The following GPHN variants were observed in gnomAD, a reference collection of about 807,000 sequenced individuals.
The protein encoded by GPHN is gephyrin.
Under a neutral mutation model 95.5 loss-of-function variants are expected in GPHN, and 17 were observed. The observed-to-expected ratio is 0.18, with a 90% CI of 0.12 to 0.27. The LOEUF is 0.27. GPHN is among the 10% of genes least tolerant of loss of function. GPHN has a pLI of 1.00. For synonymous variants in GPHN, 320 were observed against 322.5 expected (o/e 0.99, Z 0.08); for missense variants, 660 against 978.1 (o/e 0.67, Z 4.34).
intron 1 of GPHN, among the ~76,000 whole-genome samples, chr14:66,525,838 G>T (rs572719066): frequency 1.3e-5 from 2 of 151,998 alleles, no homozygotes; most frequent in Non-Finnish European, 2.9e-5. Context: ...CTGTTCCATC[G>T]GTTTATATAT....
chr14:67,705,508 C>A, the GPHN span, among the ~76,000 whole-genome samples: 1 of 152,190 alleles, frequency 6.6e-6, no homozygotes, highest in South Asian at 2.1e-4. Flanking sequence ...GACTGCCAAA[C>A]GTGACCTGTA....
In GPHN at chr14:66,983,746, A is replaced by C. The variant is rs897801501; in HGVS notation, c.963+18421A>C. On this transcript the variant is annotated intron_variant, in intron 9 of 22. Coordinates refer to ENST00000478722, the MANE Select transcript of GPHN (RefSeq NM_020806.5). The stretch of plus-strand genomic sequence containing the variant: ...TTTTTCTTCTTATAATTCATTGTTT[A>C]AGTTTCTATACTTGCATTTGGAACT... Among the ~76,000 whole-genome samples the C allele has an allele frequency of 2.0e-5, 3 of 152,156 alleles. No individual in the cohort carries two copies. The South Asian group carries it at 6.2e-4, about 32-fold the overall frequency.
chr14:66,624,045 C>A (rs976132615), intron 1 of GPHN, among the ~76,000 whole-genome samples: 15 of 152,294 alleles, frequency 9.8e-5, no homozygotes, highest in African/African-American at 3.4e-4. Flanking sequence ...ATGTCCTTAT[C>A]GTCCTTTTCC....
chr14:67,003,875 GA>G (rs1386069656), intron 9 of GPHN, among the ~76,000 whole-genome samples: 1 of 151,616 alleles, frequency 6.6e-6, no homozygotes, highest in East Asian at 1.9e-4. Flanking sequence ...TGAGTCAGCA[GA>G]GCAAAGTTAA....
chr14:67,589,281 T>C, the GPHN span: 3 of 905,530 alleles, frequency 3.3e-6, no homozygotes, highest in East Asian at 2.3e-4. Flanking sequence ...ATTAATCTTA[T>C]ACAGAAGAAA....
chr14:67,301,490 A>G, the GPHN span: 3 of 1,538,182 alleles, frequency 2.0e-6, no homozygotes, highest in Non-Finnish European at 2.7e-6. Context: ...AGAATACTAT[A>G]TATGTGGTTT....
the GPHN span, chr14:67,570,110 C>T: frequency 1.2e-6 from 1 of 868,572 alleles, no homozygotes; most frequent in East Asian, 2.7e-5. Context: ...CAGGCTTCTG[C>T]ACATGGTGAC....
the GPHN span, chr14:67,390,596 T>C: frequency 1.8e-6 from 2 of 1,121,358 alleles, no homozygotes; most frequent in African/African-American, 1.5e-5. Flanking sequence ...CTGCCCGCCA[T>C]GCCAGGAGAG....
intron 19 of GPHN, among the ~76,000 whole-genome samples, chr14:67,161,947 A>G (rs1459362412): frequency 6.6e-6 from 1 of 152,144 alleles, no homozygotes; most frequent in Non-Finnish European, 1.5e-5. Flanking sequence ...ATCAATTCCT[A>G]ACATTTTATT....
chr14:67,317,127 AAT>A, the GPHN span, among the ~76,000 whole-genome samples: 5 of 152,244 alleles, frequency 3.3e-5, no homozygotes, highest in South Asian at 2.1e-4. Context: ...TTTCCTGAAA[AAT>A]AGTCTTTATA....
chr14:67,429,474 C>A, the GPHN span, among the ~76,000 whole-genome samples: 2 of 150,320 alleles, frequency 1.3e-5, no homozygotes, highest in African/African-American at 4.9e-5. Context: ...CATGATTCGC[C>A]CACCTCGGCC....
intron 1 of GPHN, among the ~76,000 whole-genome samples, chr14:66,615,944 C>A (rs953372326): frequency 1.3e-5 from 2 of 151,958 alleles, no homozygotes; most frequent in Non-Finnish European, 2.9e-5. Context: ...ATATGGCTAG[C>A]CTTTTTCCCA....
At chr14:66,792,907 C>G (rs139253510) in intron 3 of GPHN, among the ~76,000 whole-genome samples, 1 of 152,246 alleles carries the variant, frequency 6.6e-6, no homozygotes, top group Non-Finnish European at 1.5e-5. Flanking sequence ...TTATGGGAAA[C>G]GAAGGGATGG....
the GPHN span, among the ~76,000 whole-genome samples, chr14:67,609,394 C>A: frequency 2.6e-5 from 4 of 152,290 alleles, no homozygotes; most frequent in Admixed American, 2.6e-4. Context: ...AGTTGGGGTG[C>A]ACCGCCTTCC....
chr14:67,100,709 G>T (rs999609605), intron 12 of GPHN, 147 bp from the exon 13 acceptor site: 4 of 682,996 alleles, frequency 5.9e-6, no homozygotes, highest in African/African-American at 5.3e-5. Flanking sequence ...CAAAGCCATT[G>T]TCAAGTCTAG....
chr14:67,620,133 C>G, the GPHN span: 4 of 1,411,764 alleles, frequency 2.8e-6, no homozygotes, highest in Admixed American at 2.2e-5. Flanking sequence ...CCTCCGCCCC[C>G]TAGAACCTGG....
At chr14:66,976,911 T>G in intron 9 of GPHN, among the ~76,000 whole-genome samples, 4 of 81,338 alleles carry the variant, frequency 4.9e-5, no homozygotes, top group East Asian at 4.9e-4. Context: ...AGCACAGAAA[T>G]ATGTGGGGGG....
chr14:67,735,122 T>C, the GPHN span: 2 of 795,254 alleles, frequency 2.5e-6, no homozygotes, highest in South Asian at 1.3e-5. Flanking sequence ...AAAACAATGA[T>C]AGGCATGGGT....
At chr14:66,837,444 T>G (rs1262424162) in intron 4 of GPHN, among the ~76,000 whole-genome samples, 1 of 64,276 alleles carries the variant, frequency 1.6e-5, no homozygotes, top group Non-Finnish European at 2.8e-5. Context: ...GGGACTGTTG[T>G]GGGGTGGGGG....
Sources: gnomAD v4.1 joint callset for allele counts (sites outside exome capture counted in the v4.1 genomes callset) on GRCh38, gnomAD v4.1.1 for gene constraint, MANE v1.5 for transcripts, NCBI Gene and HGNC (gene_info 2026-07-23, HGNC 2026-07-21) for gene names.